The following CPEB3 variants were observed in gnomAD, a reference collection of about 807,000 sequenced individuals.
CPEB3 encodes cytoplasmic polyadenylation element binding protein 3.
A neutral mutation model predicts 67.2 loss-of-function variants in CPEB3; 20 were observed. That is an observed-to-expected ratio of 0.30 (90% CI 0.21 to 0.43). The LOEUF (loss-of-function observed/expected upper bound fraction) is 0.43. Among genes scored for constraint, CPEB3 ranks in the 20% least tolerant of loss-of-function variants. The probability of loss-of-function intolerance (pLI) is 1.00; values close to 1 mark genes in which losing one functional copy is unlikely to be tolerated. For missense variants in CPEB3, 746 were observed against 968.6 expected (o/e 0.77, Z 3.05); for synonymous variants, 376 against 393.1 (o/e 0.96, Z 0.51).
chr10:92,077,448 G>A (rs569599929), intron 9 of CPEB3, among the ~76,000 whole-genome samples: 8 of 152,238 alleles, frequency 5.3e-5, no homozygotes, highest in African/African-American at 1.7e-4. Context: ...GTTGGCTTGC[G>A]TCTCTCATAA....
chr10:92,221,856 G>A (rs1160109647), intron 2 of CPEB3, among the ~76,000 whole-genome samples: 2 of 152,246 alleles, frequency 1.3e-5, no homozygotes, highest in East Asian at 3.9e-4. Flanking sequence ...TGATTGAAGG[G>A]TGTGTGTTTG....
At chr10:92,162,245 C>T (rs1443792125) in intron 4 of CPEB3, among the ~76,000 whole-genome samples, 1 of 151,924 alleles carries the variant, frequency 6.6e-6, no homozygotes, top group Non-Finnish European at 1.5e-5. Flanking sequence ...AGTAGTGTTA[C>T]CCTTGGCTAG....
intron 4 of CPEB3, among the ~76,000 whole-genome samples, chr10:92,171,570 G>T (rs1057122783): frequency 1.3e-5 from 2 of 152,192 alleles, no homozygotes; most frequent in Non-Finnish European, 2.9e-5. Context: ...ACAAAGGAAG[G>T]GGGGTAGAAT....
intron 6 of CPEB3, among the ~76,000 whole-genome samples, chr10:92,117,958 G>A (rs1441303029): frequency 6.6e-6 from 1 of 152,058 alleles, no homozygotes; most frequent in East Asian, 1.9e-4. Context: ...GAGGTTAAGG[G>A]AATTCTCAAA....
chr10:92,256,075 A>T (rs1217598790), intron 1 of CPEB3, among the ~76,000 whole-genome samples: 1 of 152,210 alleles, frequency 6.6e-6, no homozygotes, highest in Admixed American at 6.6e-5. Context: ...CCATCAGTGT[A>T]GTCACACAAG....
At chr10:92,215,084 G>A (rs1230674566) in intron 2 of CPEB3, among the ~76,000 whole-genome samples, 3 of 151,836 alleles carry the variant, frequency 2.0e-5, no homozygotes, top group African/African-American at 7.3e-5. Context: ...CTGACCTCAA[G>A]TGATCCACCC....
At position 92,192,603 on chromosome 10, in the gene CPEB3, G is replaced by C; in HGVS notation, c.1039C>G (p.His347Asp). The change falls in exon 3 of 10, where the codon CAC (histidine) becomes GAC (aspartate). Residue 347 changes from histidine (H) to aspartate (D), a missense_variant. Transcript: ENST00000265997. ...TCCATTAAGGAGTTCTCCAACGAGT[G>C]CAAGTTAAAAGTATCATAGGGCCTA... Reference protein sequence around the residue: ...RSRPYDTFNLHSLENSLMDMI... With the variant: ...RSRPYDTFNLDSLENSLMDMI... The C allele has an allele frequency of 6.2e-7, 1 of 1,612,254 alleles. No individual in the cohort carries two copies. Among genetic ancestry groups the C allele is most frequent in the Non-Finnish European group, 8.5e-7 (1 of 1,179,130 alleles).
At chr10:92,289,520 C>T (rs1842699756) in intron 1 of CPEB3, among the ~76,000 whole-genome samples, 1 of 151,386 alleles carries the variant, frequency 6.6e-6, no homozygotes, top group Non-Finnish European at 1.5e-5. Flanking sequence ...CCAGCCTGGG[C>T]AACAGAGCAA....
intron 4 of CPEB3, among the ~76,000 whole-genome samples, chr10:92,179,533 G>A (rs1297516304): frequency 6.6e-6 from 1 of 152,122 alleles, no homozygotes; most frequent in Non-Finnish European, 1.5e-5. Context: ...TATTGCTCAA[G>A]TTCAGCAAGT....
At chr10:92,105,376 CAT>C (rs1287145144) in intron 7 of CPEB3, among the ~76,000 whole-genome samples, 1 of 152,218 alleles carries the variant, frequency 6.6e-6, no homozygotes, top group African/African-American at 2.4e-5. Context: ...TTCCCTTTCA[CAT>C]ATTTGTGCTC....
intron 9 of CPEB3, among the ~76,000 whole-genome samples, chr10:92,063,228 C>A (rs565095651): frequency 2.0e-4 from 31 of 152,282 alleles, no homozygotes; most frequent in African/African-American, 6.7e-4. Flanking sequence ...AAAAACTGAC[C>A]TCCTGAAGTA....
At chr10:92,104,934 G>A (rs191940479) in intron 7 of CPEB3, among the ~76,000 whole-genome samples, 1 of 151,752 alleles carries the variant, frequency 6.6e-6, no homozygotes, top group Admixed American at 6.6e-5. Flanking sequence ...CAGGGGTCTC[G>A]CTGTTGCCTA....
intron 7 of CPEB3, among the ~76,000 whole-genome samples, chr10:92,099,985 G>C (rs1350110632): frequency 1.3e-5 from 2 of 152,218 alleles, no homozygotes; most frequent in African/African-American, 4.8e-5. Flanking sequence ...GCAGCATAGT[G>C]AGACCCTGTC....
chr10:92,154,469 C>A lies in CPEB3; in HGVS notation c.1223-9384G>T, dbSNP rs148732828. Among the ~76,000 whole-genome samples the A allele has an allele frequency of 2.0e-5, 3 of 152,226 alleles. No homozygotes were observed. The East Asian group carries it at 5.8e-4, about 29-fold the overall frequency. On this transcript the variant is annotated intron_variant, in intron 4 of 9. Coordinates refer to ENST00000265997, the MANE Select transcript of CPEB3 (RefSeq NM_014912.5). ...AGCACTTGGTTTGCTAAGAGTCTAC[C>A]TTCAATGTCCTCATCCAAGCCTTGA...
intron 8 of CPEB3, among the ~76,000 whole-genome samples, chr10:92,082,653 C>T (rs1000262457): frequency 2.0e-5 from 3 of 152,160 alleles, no homozygotes; most frequent in Non-Finnish European, 4.4e-5. Context: ...CACTTACCTG[C>T]ATACCAGATT....
intron 2 of CPEB3, among the ~76,000 whole-genome samples, chr10:92,228,585 A>T (rs1158286900): frequency 1.3e-5 from 2 of 152,002 alleles, no homozygotes; most frequent in Non-Finnish European, 2.9e-5. Context: ...CAAAAACCCT[A>T]CCGCATCTTT....
At chr10:92,134,272 C>G (rs1347650338) in intron 6 of CPEB3, among the ~76,000 whole-genome samples, 2 of 152,118 alleles carry the variant, frequency 1.3e-5, no homozygotes, top group Non-Finnish European at 2.9e-5. Flanking sequence ...AAAACCCCAT[C>G]ATCTCAGCCC....
intron 1 of CPEB3, among the ~76,000 whole-genome samples, chr10:92,262,617 G>T (rs1173991130): frequency 1.3e-5 from 2 of 151,962 alleles, no homozygotes; most frequent in Non-Finnish European, 2.9e-5. Flanking sequence ...GAGGCTGAGG[G>T]GGGAGGATTG....
chr10:92,224,568 AAAC>A (rs772444799), intron 2 of CPEB3, among the ~76,000 whole-genome samples: 49 of 152,058 alleles, frequency 3.2e-4, no homozygotes, highest in East Asian at 1.9e-3. Flanking sequence ...GCTGAAAAAA[AAAC>A]AACAACAACA....
Sources: allele counts gnomAD v4.1 joint callset (sites outside exome capture counted in the v4.1 genomes callset), GRCh38; gene constraint gnomAD v4.1.1; transcripts MANE v1.5; gene names NCBI Gene and HGNC (gene_info 2026-07-23, HGNC 2026-07-21).